Variants in TNFRSF1B observed in about 807,000 individuals in gnomAD.
TNFRSF1B encodes the protein tumor necrosis factor receptor superfamily member 1B.
A neutral mutation model predicts 44.6 loss-of-function variants in TNFRSF1B; 19 were observed. That is an observed-to-expected ratio of 0.43 (90% CI 0.30 to 0.62). The LOEUF (loss-of-function observed/expected upper bound fraction) is 0.62, where lower values mean the gene tolerates loss of function less well. TNFRSF1B is among the 20% of genes least tolerant of loss of function. The pLI is 0.16. For synonymous variants in TNFRSF1B, 252 were observed against 261.1 expected (o/e 0.97, Z 0.34); for missense variants, 541 against 619.9 (o/e 0.87, Z 1.35).
At chr1:12,197,722 C>T (rs1639296057) in intron 8 of TNFRSF1B, among the ~76,000 whole-genome samples, 1 of 152,218 alleles carries the variant, frequency 6.6e-6, no homozygotes, top group East Asian at 1.9e-4. Context: ...GGAGAGTCCT[C>T]TTGAGCTGGG....
rs1570117916 is a variant in TNFRSF1B, at chr1:12,169,380, C to G, written c.78+2211C>G. Among the ~76,000 whole-genome samples, 1 of 152,186 alleles carries G rather than the reference C, an allele frequency of 6.6e-6. No individual in the cohort carries two copies. Among genetic ancestry groups the G allele is most frequent in the Non-Finnish European group, 1.5e-5 (1 of 68,044 alleles). Reference sequence around the variant, plus strand: ...CAAAATTTCACTGAAACCTCCCTTACAGCAACTCCCAAGAGGTGGGTGGTG... The same window carrying G: ...CAAAATTTCACTGAAACCTCCCTTAGAGCAACTCCCAAGAGGTGGGTGGTG... On this transcript the variant is annotated intron_variant, in intron 1 of 9. Coordinates refer to ENST00000376259, the MANE Select transcript of TNFRSF1B (RefSeq NM_001066.3). This position sits in a 1 kb window ranked among gnomAD's most constrained non-coding sequence, Gnocchi z 4.5.
At chr1:12,182,754 A>G (rs1638840440) in intron 1 of TNFRSF1B, among the ~76,000 whole-genome samples, 1 of 152,214 alleles carries the variant, frequency 6.6e-6, no homozygotes, top group African/African-American at 2.4e-5. Flanking sequence ...CAAATATCCC[A>G]TTGTTTTCCT....
At chr1:12,201,828 GT>G in intron 8 of TNFRSF1B, 138 bp from the exon 9 acceptor site, 1 of 1,241,514 alleles carries the variant, frequency 8.1e-7, no homozygotes, top group Middle Eastern at 2.8e-4. Context: ...TGGAAAGAAC[GT>G]GCAAGGGTGG....
intron 2 of TNFRSF1B, among the ~76,000 whole-genome samples, chr1:12,190,548 C>G (rs1354945383): frequency 6.6e-6 from 1 of 150,996 alleles, no homozygotes; most frequent in African/African-American, 2.4e-5. Context: ...TGCCTGCTTT[C>G]CAGGCCCATG....
intron 1 of TNFRSF1B, 74 bp downstream of exon 1, chr1:12,167,243 C>A: frequency 1.8e-6 from 2 of 1,121,334 alleles, no homozygotes; most frequent in Non-Finnish European, 2.3e-6. Flanking sequence ...CCTTCGGGTG[C>A]CCGGGCCGCG....
chr1:12,190,853 C>T (rs970699460), intron 2 of TNFRSF1B, 104 bp from the exon 3 acceptor site: 2 of 1,407,588 alleles, frequency 1.4e-6, no homozygotes, highest in African/African-American at 1.4e-5. Flanking sequence ...GAATAGCCTT[C>T]CCAGCTGGGC....
rs5746071 is a variant in TNFRSF1B at position 12,207,966 on chromosome 1, G to GTGAA, written c.*947_*950dup. 0.033 allele frequency: 5,079 copies of GTGAA among 152,158 alleles called. 166 individuals are homozygous for GTGAA. The highest frequency in any genetic ancestry group is 0.099 in the Admixed American group (1,510 of 15,290). The allele number at this position is 152,158 out of a possible 1,614,324, so 9.4% of individuals were successfully genotyped here. The stretch of plus-strand genomic sequence containing the variant: ...CCAACTTGTCCTTTTGTACCATGGT[G>GTGAA]TGAAAGTCAGATGCCCAGAGGGCCC... On this transcript the variant is annotated 3_prime_UTR_variant, in exon 10 of 10. Coordinates refer to ENST00000376259, the MANE Select transcript of TNFRSF1B (RefSeq NM_001066.3).
At position 12,183,652 on chromosome 1, in the gene TNFRSF1B, T is replaced by C. The variant is rs578091058; in HGVS notation, c.79-5144T>C. 3.6e-5 allele frequency among the ~76,000 whole-genome samples: 5 copies of C among 140,340 alleles called. No homozygotes were observed. In the East Asian group the frequency reaches 1.0e-3, roughly 29 times the overall value. The allele number at this position is 140,340 out of a possible 152,430, so 92.1% of individuals were successfully genotyped here. A position where few individuals can be genotyped will look rare whatever the true frequency, so the allele number is the denominator to read the frequency against. On this transcript the variant is annotated intron_variant, in intron 1 of 9. Transcript: ENST00000376259. Reference sequence around the variant, plus strand: ...GTTTTATCTATCTAGCTATTTTATCTATTTTATCTATCTATCTATCTATCT... The same window carrying C: ...GTTTTATCTATCTAGCTATTTTATCCATTTTATCTATCTATCTATCTATCT...
rs536797542 is a variant in TNFRSF1B at position 12,184,225 on chromosome 1, G to A, written c.79-4571G>A. Among the ~76,000 whole-genome samples the A allele has an allele frequency of 2.0e-5, 3 of 152,344 alleles. No homozygotes were observed. The East Asian group carries it at 5.8e-4, about 29-fold the overall frequency. ...TACTGACCAGAGGCCGGCTCCCAGG[G>A]CTGTGGTTTGGGCCCAGCCCCCTGC... On this transcript the variant is annotated intron_variant, in intron 1 of 9. Transcript: ENST00000376259.
chr1:12,190,929 C>A, intron 2 of TNFRSF1B, 28 bp from the exon 3 acceptor site: 1 of 1,610,588 alleles, frequency 6.2e-7, no homozygotes, highest in African/African-American at 1.3e-5. Context: ...GCTCGCCCAG[C>A]TGAGACCTCT....
intron 2 of TNFRSF1B, among the ~76,000 whole-genome samples, chr1:12,190,458 C>CAAAAAAAAA (rs4044499): frequency 1.8e-4 from 11 of 61,528 alleles, no homozygotes; most frequent in African/African-American, 2.8e-4. Context: ...GATTCTGTCT[C>CAAAAAAAAA]AAAAAAAAAA....
At chr1:12,192,245 AATCTGTGTGTGTGCATGTGTGTACAGGC>A (rs984868788) in intron 4 of TNFRSF1B, 158 bp from the exon 5 acceptor site, 19 of 712,000 alleles carry the variant, frequency 2.7e-5, no homozygotes, top group African/African-American at 2.6e-4. Flanking sequence ...TGTGTACAGG[AATCTGTGTGTGTGCATGTGTGTACAGGC>A]ATCTGTGTGT....
rs1195036650 is a variant in TNFRSF1B, at chr1:12,195,636, C to G, written c.900+1018C>G. 2.6e-5 allele frequency among the ~76,000 whole-genome samples: 4 copies of G among 152,116 alleles called. No homozygotes were observed. In the East Asian group the frequency reaches 7.7e-4, roughly 29 times the overall value. ...TGACCAGACAGTGTCACATGACCAC[C>G]CCTAGCTGCGAGGGAAGCTGGGAAA... is the stretch of plus-strand genomic sequence containing the variant. On this transcript the variant is annotated intron_variant, in intron 8 of 9. Transcript: ENST00000376259.
rs1557625687 is a variant in TNFRSF1B at position 12,178,443 on chromosome 1, A to C, written c.79-10353A>C. ...ATAGATGATAAAGTGGAGGTGGGGG[A>C]ATGGCAGAACTGGGATCAAAGCCCA... is the stretch of plus-strand genomic sequence containing the variant. On this transcript the variant is annotated intron_variant, in intron 1 of 9. Transcript: ENST00000376259. This position sits in a 1 kb window ranked among gnomAD's most constrained non-coding sequence, Gnocchi z 4.3. 3.3e-5 allele frequency among the ~76,000 whole-genome samples: 5 copies of C among 152,152 alleles called. No homozygotes were observed. In the Middle Eastern group the frequency reaches 0.01, roughly 311 times the overall value.
Position 12,167,074 on chromosome 1 carries a change from C to G in TNFRSF1B, c.-18C>G. 7.7e-7 allele frequency: 1 copy of G among 1,299,176 alleles called. No homozygotes were observed. The highest frequency in any genetic ancestry group is 9.8e-7 in the Non-Finnish European group (1 of 1,023,266). 80.5% of individuals were successfully genotyped at this position (1,299,176 alleles called of 1,614,324 possible). A position where few individuals can be genotyped will look rare whatever the true frequency, so the allele number is the denominator to read the frequency against. ...CGAGGGCGCGAGGGCAGGGGGCAAC[C>G]GGACCCCGCCCGCACCCATGGCGCC... is the stretch of plus-strand genomic sequence containing the variant. On this transcript the variant is annotated 5_prime_UTR_variant, in exon 1 of 10. Transcript: ENST00000376259.
rs766988651 is a variant in TNFRSF1B, at chr1:12,194,636, C to A, written c.900+18C>A. 1.2e-6 allele frequency: 2 copies of A among 1,613,874 alleles called. No homozygotes were observed. The highest frequency in any genetic ancestry group is 8.5e-7 in the Non-Finnish European group (1 of 1,179,788). On this transcript the variant is annotated intron_variant, in intron 8 of 9. Coordinates refer to ENST00000376259, the MANE Select transcript of TNFRSF1B (RefSeq NM_001066.3). ...CCAAGGTGGTGAGTGTCTCCACTGC[C>A]CTCTCCCCCTCTTCCCCTGGTCTCC...
chr1:12,195,202 G>A (rs902492843), intron 8 of TNFRSF1B, among the ~76,000 whole-genome samples: 7 of 152,224 alleles, frequency 4.6e-5, no homozygotes, highest in Admixed American at 2.0e-4. Flanking sequence ...TAGGGCCTGC[G>A]AAGGCTTTTT....
chr1:12,192,859 C>A lies in TNFRSF1B; in HGVS notation c.552-4C>A, dbSNP rs747179551. 1.6e-5 allele frequency: 25 copies of A among 1,611,710 alleles called. No individual in the cohort carries two copies. The South Asian group carries it at 1.7e-4, about 11-fold the overall frequency. ...CCTCCTGACCAAGCCTCCTCCTCCT[C>A]CAGCTGTAACGTGGTGGCCATCCCT... On this transcript the variant is annotated splice_polypyrimidine_tract_variant and splice_region_variant and intron_variant, in intron 5 of 9. Transcript: ENST00000376259.
intron 1 of TNFRSF1B, among the ~76,000 whole-genome samples, chr1:12,183,698 A>ATCTATCTAT (rs1638880259): frequency 9.4e-6 from 1 of 105,848 alleles, no homozygotes; most frequent in East Asian, 3.3e-4. Context: ...CTATCTATCT[A>ATCTATCTAT]TCTATCTATC....
Sources: gnomAD v4.1 joint callset for allele counts (sites outside exome capture counted in the v4.1 genomes callset) on GRCh38, gnomAD v4.1.1 for gene constraint, Gnocchi (gnomAD v3.1) non-coding constraint, MANE v1.5 for transcripts, NCBI Gene and HGNC (gene_info 2026-07-23, HGNC 2026-07-21) for gene names.